The following MAGI2 variants were observed in gnomAD, a reference collection of about 807,000 sequenced individuals.
The protein encoded by MAGI2 is membrane associated guanylate kinase, WW and PDZ domain containing 2.
In MAGI2, 35 loss-of-function variants were observed where a neutral mutation model predicts 133.3. That is an observed-to-expected ratio of 0.26 (90% CI 0.20 to 0.35). The LOEUF is 0.35. Among genes scored for constraint, MAGI2 ranks in the 10% least tolerant of loss-of-function variants. The pLI, the probability that MAGI2 is intolerant of heterozygous loss-of-function variation, is 1.00. For missense variants in MAGI2, 1,636 were observed against 1,863.4 expected, an observed-to-expected ratio of 0.88 and a Z score of 2.25; for synonymous variants, 729 against 710.6, an observed-to-expected ratio of 1.03 and a Z score of -0.41.
At chr7:78,269,306 TG>T (rs776055490) in intron 9 of MAGI2, among the ~76,000 whole-genome samples, 3 of 152,216 alleles carry the variant, frequency 2.0e-5, no homozygotes, top group Admixed American at 1.3e-4. Context: ...CAACCAGTAA[TG>T]GGATTGTTGA....
intron 2 of MAGI2, among the ~76,000 whole-genome samples, chr7:78,899,853 A>G (rs774053288): frequency 1.3e-5 from 2 of 152,216 alleles, no homozygotes; most frequent in Non-Finnish European, 2.9e-5. Flanking sequence ...AAAGGTATAC[A>G]TACAGGAAAA....
intron 9 of MAGI2, among the ~76,000 whole-genome samples, chr7:78,259,936 G>T (rs1174863818): frequency 1.3e-5 from 2 of 152,146 alleles, no homozygotes; most frequent in Admixed American, 1.3e-4. Flanking sequence ...TTCTTAGTAA[G>T]ACTGCCTTTT....
chr7:78,956,651 A>G (rs73703737), intron 2 of MAGI2, among the ~76,000 whole-genome samples: 2,125 of 152,272 alleles, frequency 0.014, 54 homozygotes, highest in African/African-American at 0.049. Flanking sequence ...TGTGTCACAC[A>G]TGGAGATGAA....
rs188794072 is a variant in MAGI2 at position 78,564,034 on chromosome 7, T to C, written c.539-42389A>G. ...TATTACACAGAACATGATTAATTTC[T>C]ATGATAAAAGGGAAACTGTAAATTT... On this transcript the variant is annotated intron_variant, in intron 3 of 21. Transcript: ENST00000354212. 3.6e-4 allele frequency among the ~76,000 whole-genome samples: 55 copies of C among 152,326 alleles called. 1 individual carries two copies. Among genetic ancestry groups the C allele is most frequent in the Non-Finnish European group, 5.9e-4 (40 of 68,032 alleles).
chr7:78,085,647 T>C (rs1052725254), intron 20 of MAGI2, among the ~76,000 whole-genome samples: 1 of 149,672 alleles, frequency 6.7e-6, no homozygotes, highest in Non-Finnish European at 1.5e-5. Flanking sequence ...CAAGCAGAAG[T>C]GTGAAATGAC....
At chr7:79,293,045 T>G (rs1294165125) in intron 1 of MAGI2, among the ~76,000 whole-genome samples, 1 of 152,206 alleles carries the variant, frequency 6.6e-6, no homozygotes, top group African/African-American at 2.4e-5. Context: ...TGGGTCAGTA[T>G]GTACTATCCC....
At chr7:78,288,016 C>T (rs1002287858) in intron 9 of MAGI2, among the ~76,000 whole-genome samples, 1 of 152,128 alleles carries the variant, frequency 6.6e-6, no homozygotes, top group Admixed American at 6.5e-5. Context: ...GAAGAAATGC[C>T]TATAAATACT....
At chr7:79,249,240 T>A (rs143634895) in intron 1 of MAGI2, among the ~76,000 whole-genome samples, 202 of 152,152 alleles carry the variant, frequency 1.3e-3, no homozygotes, top group African/African-American at 4.6e-3. Context: ...AATCTTATGA[T>A]GCATCTTAAA....
chr7:79,335,726 G>A (rs938971352), intron 1 of MAGI2, among the ~76,000 whole-genome samples: 3 of 151,918 alleles, frequency 2.0e-5, no homozygotes, highest in Non-Finnish European at 4.4e-5. Flanking sequence ...AGGTAGAAAT[G>A]AAAAAATTTG....
intron 2 of MAGI2, among the ~76,000 whole-genome samples, chr7:78,646,989 T>C (rs925831362): frequency 1.3e-5 from 2 of 152,246 alleles, no homozygotes; most frequent in Admixed American, 6.5e-5. Flanking sequence ...TATAACCGCC[T>C]TGGTGGGTGG....
At chr7:79,218,623 C>T (rs1042576664) in intron 1 of MAGI2, among the ~76,000 whole-genome samples, 6 of 151,954 alleles carry the variant, frequency 3.9e-5, no homozygotes, top group Non-Finnish European at 7.4e-5. Flanking sequence ...TTAACATGTA[C>T]CAGTAGAAAA....
chr7:78,560,863 T>C (rs867842943), intron 3 of MAGI2, among the ~76,000 whole-genome samples: 1 of 152,082 alleles, frequency 6.6e-6, no homozygotes, highest in Non-Finnish European at 1.5e-5. Flanking sequence ...GGACAACATA[T>C]AGCCTTTCTA....
At chr7:78,896,511 C>G (rs1797224141) in intron 2 of MAGI2, among the ~76,000 whole-genome samples, 1 of 148,628 alleles carries the variant, frequency 6.7e-6, no homozygotes, top group Admixed American at 6.7e-5. Context: ...TTGAGGAAAC[C>G]TATCCTCTAA....
intron 1 of MAGI2, among the ~76,000 whole-genome samples, chr7:79,122,143 A>G (rs1043394048): frequency 6.6e-6 from 1 of 152,260 alleles, no homozygotes; most frequent in Middle Eastern, 3.4e-3. Context: ...TTGAATCTAT[A>G]CTAAATTCTC....
chr7:78,441,929 A>T (rs1342418832), intron 6 of MAGI2, among the ~76,000 whole-genome samples: 1 of 151,972 alleles, frequency 6.6e-6, no homozygotes, highest in Admixed American at 6.6e-5. Flanking sequence ...CAAATCCCAA[A>T]TCTCACATTT....
chr7:79,170,502 A>C (rs2129548509), intron 1 of MAGI2, among the ~76,000 whole-genome samples: 1 of 152,136 alleles, frequency 6.6e-6, no homozygotes, highest in Non-Finnish European at 1.5e-5. Context: ...TTGAATCAAA[A>C]GTAGATTGAT....
chr7:78,137,747 A>G (rs958692126), intron 16 of MAGI2, among the ~76,000 whole-genome samples: 20 of 152,182 alleles, frequency 1.3e-4, no homozygotes, highest in African/African-American at 4.6e-4. Flanking sequence ...TCTGTAGGAA[A>G]ACATCAGCTT....
intron 11 of MAGI2, chr7:78,197,780 T>C (rs1192626115): frequency 1.3e-5 from 2 of 152,274 alleles, no homozygotes; most frequent in East Asian, 3.9e-4. Flanking sequence ...AGCAGACATA[T>C]TATTCTGTTC....
chr7:78,832,461 G>T (rs1314420973), intron 2 of MAGI2, among the ~76,000 whole-genome samples: 2 of 152,136 alleles, frequency 1.3e-5, no homozygotes, highest in Non-Finnish European at 2.9e-5. Context: ...CATAGTAATT[G>T]TAAGGGCGGG....
Sources: gnomAD v4.1 joint callset for allele counts (sites outside exome capture counted in the v4.1 genomes callset) on GRCh38, gnomAD v4.1.1 for gene constraint, MANE v1.5 for transcripts, NCBI Gene and HGNC (gene_info 2026-07-23, HGNC 2026-07-21) for gene names.